ZNF705A: variants seen among roughly 807,000 people sequenced by gnomAD.
ZNF705A encodes zinc finger protein 705A.
Under a neutral mutation model 16.6 loss-of-function variants are expected in ZNF705A, and 8 were observed. The observed-to-expected ratio is 0.48, with a 90% confidence interval of 0.28 to 0.87. The LOEUF (loss-of-function observed/expected upper bound fraction) is 0.87, where lower values mean the gene tolerates loss of function less well. Ranked by LOEUF, ZNF705A falls within the 40% of genes least tolerant of loss-of-function variation. The pLI is 0.10. For missense variants in ZNF705A, 233 were observed against 359.9 expected (o/e 0.65, Z 2.85); for synonymous variants, 73 against 117.3 (o/e 0.62, Z 2.44).
upstream of ZNF705A, among the ~76,000 whole-genome samples, chr12:8,170,090 G>A (rs993181083): frequency 6.6e-6 from 1 of 151,866 alleles, no homozygotes; most frequent in Non-Finnish European, 1.5e-5. Context: ...TCAGGAGGCT[G>A]AGGCTGGAGA....
chr12:8,170,249 C>T (rs1346538912), upstream of ZNF705A, among the ~76,000 whole-genome samples: 4 of 149,218 alleles, frequency 2.7e-5, no homozygotes, highest in Non-Finnish European at 4.4e-5. Context: ...GCTGTGCAGG[C>T]TCTCATCTTG....
exon 5 of ZNF705A, chr12:8,177,450 A>C (rs1171980229): frequency 3.1e-6 from 5 of 1,612,192 alleles, no homozygotes; most frequent in Non-Finnish European, 3.4e-6. Context: ...AAGTGTTATG[A>C]ATGTGATAAA....
chr12:8,159,647 T>G (rs1255820368), intron 1 of ZNF705A, among the ~76,000 whole-genome samples: 1 of 135,256 alleles, frequency 7.4e-6, no homozygotes. Context: ...AGCCCACTTT[T>G]TGATGGGATT....
chr12:8,161,703 C>G (rs1057294080), intron 1 of ZNF705A, among the ~76,000 whole-genome samples: 2 of 152,084 alleles, frequency 1.3e-5, no homozygotes, highest in Non-Finnish European at 2.9e-5. Context: ...TGCCCCTGTC[C>G]TAGCTTTACC....
At chr12:8,163,511 C>A (rs1261802416) in intron 1 of ZNF705A, among the ~76,000 whole-genome samples, 1 of 152,160 alleles carries the variant, frequency 6.6e-6, no homozygotes, top group Admixed American at 6.5e-5. Flanking sequence ...TCACCATTGT[C>A]ATCATAATCA....
chr12:8,176,986 CTT>C lies in ZNF705A; in HGVS notation c.319-11_319-10del. Reference sequence around the variant, plus strand: ...GGGTAAACCATTAAGAGCTTTTAATCTTTGTCCCAAAGGAGAACTCTCTCATT... The same window carrying C: ...GGGTAAACCATTAAGAGCTTTTAATCTGTCCCAAAGGAGAACTCTCTCATT... On this transcript the variant is annotated splice_polypyrimidine_tract_variant and intron_variant, in intron 4 of 4. Transcript: ENST00000359286. The C allele has an allele frequency of 6.2e-7, 1 of 1,607,084 alleles. No homozygotes were observed. Among genetic ancestry groups the C allele is most frequent in the Non-Finnish European group, 8.5e-7 (1 of 1,176,118 alleles).
chr12:8,160,530 C>A (rs1286265671), intron 1 of ZNF705A, among the ~76,000 whole-genome samples: 2 of 149,610 alleles, frequency 1.3e-5, no homozygotes, highest in African/African-American at 4.9e-5. Flanking sequence ...CTTGCAGGGG[C>A]CTTTTGCCTC....
chr12:8,174,287 G>C, intron 1 of ZNF705A, 39 bp from the exon 3 acceptor site: 9 of 1,595,306 alleles, frequency 5.6e-6, no homozygotes, highest in Non-Finnish European at 7.6e-6. Context: ...CATTGAAAGG[G>C]ATTTCTCTGT....
chr12:8,159,856 T>C (rs1201296871), intron 1 of ZNF705A, among the ~76,000 whole-genome samples: 2 of 152,244 alleles, frequency 1.3e-5, no homozygotes, highest in South Asian at 4.1e-4. Context: ...TCTTTGTTTT[T>C]ATTGCACTTG....
intron 1 of ZNF705A, among the ~76,000 whole-genome samples, chr12:8,161,481 T>G (rs1329633573): frequency 1.5e-5 from 2 of 135,430 alleles, no homozygotes; most frequent in African/African-American, 5.6e-5. Flanking sequence ...TTGCTGCTTG[T>G]TACTGGTCTT....
intron 1 of ZNF705A, among the ~76,000 whole-genome samples, chr12:8,165,230 G>A (rs1214826990): frequency 6.6e-6 from 1 of 150,402 alleles, no homozygotes; most frequent in African/African-American, 2.5e-5. Flanking sequence ...ATAGTTGTTG[G>A]CCATTTGTAT....
chr12:8,177,597 G>T lies in ZNF705A; in HGVS notation c.*14G>T, dbSNP rs766370240. On this transcript the variant is annotated 3_prime_UTR_variant, in exon 5 of 5. Transcript: ENST00000359286. The stretch of plus-strand genomic sequence containing the variant: ...GACCTTAGATGACATGAGAGAACAT[G>T]CACTGGAGAAAAGCCATATGAATGC... 352 of 1,432,642 alleles carry T rather than the reference G, an allele frequency of 2.5e-4. 2 individuals carry two copies. Among genetic ancestry groups the T allele is most frequent in the Non-Finnish European group, 3.2e-4 (322 of 1,021,312 alleles). 88.7% of individuals were successfully genotyped at this position (1,432,642 alleles called of 1,614,324 possible).
At position 8,163,215 on chromosome 12, in the gene ZNF705A, T is replaced by C. The variant is rs765450294; in HGVS notation, c.-72+6123T>C. 1.2e-3 allele frequency among the ~76,000 whole-genome samples: 178 copies of C among 152,260 alleles called. 1 individual carries two copies. The highest frequency in any genetic ancestry group is 3.5e-3 in the African/African-American group (147 of 41,512). On this transcript the variant is annotated intron_variant, in intron 1 of 5. Coordinates refer to the ZNF705A transcript ENST00000396570. ...TAGCACCTATAAAGATCGAGATCTG[T>C]TGGATCTAGATCAGGGGATTCTCAA...
chr12:8,159,682 T>A (rs1292645891), intron 1 of ZNF705A, among the ~76,000 whole-genome samples: 1 of 152,084 alleles, frequency 6.6e-6, no homozygotes, highest in East Asian at 1.9e-4. Flanking sequence ...TTGTTTGTTC[T>A]TTTCTTACTG....
chr12:8,175,965 C>G, intron 4 of ZNF705A, 23 bp downstream of exon 5: 6 of 1,610,004 alleles, frequency 3.7e-6, no homozygotes, highest in Non-Finnish European at 4.2e-6. Flanking sequence ...GCTGTGTACA[C>G]CAGTCATCTA....
exon 5 of ZNF705A, chr12:8,177,941 G>T (rs1948499787): frequency 3.1e-6 from 1 of 326,408 alleles, no homozygotes; most frequent in Non-Finnish European, 5.7e-6. Context: ...ACTTGTTAGT[G>T]ATCTGAGCAT....
intron 1 of ZNF705A, among the ~76,000 whole-genome samples, chr12:8,160,307 G>A (rs113165550): frequency 0.013 from 1,909 of 152,086 alleles, 51 homozygotes; most frequent in African/African-American, 0.044. Flanking sequence ...AACTATGCAG[G>A]CTCCTTTTTG....
chr12:8,164,370 C>T (rs754118399), intron 1 of ZNF705A, among the ~76,000 whole-genome samples: 3 of 152,300 alleles, frequency 2.0e-5, no homozygotes, highest in East Asian at 3.9e-4. Context: ...TTTCATATAA[C>T]ATAATGCCCT....
intron 1 of ZNF705A, among the ~76,000 whole-genome samples, chr12:8,160,779 C>T (rs1377347893): frequency 2.0e-5 from 3 of 152,084 alleles, no homozygotes; most frequent in African/African-American, 4.8e-5. Context: ...CAAACGGTGA[C>T]AGCTGACTTC....
Sources: allele counts gnomAD v4.1 joint callset (sites outside exome capture counted in the v4.1 genomes callset), GRCh38; gene constraint gnomAD v4.1.1; transcripts MANE v1.5; gene names NCBI Gene and HGNC (gene_info 2026-07-23, HGNC 2026-07-21).